Variants in ARHGEF3 observed in about 807,000 individuals in gnomAD.
ARHGEF3 encodes Rho guanine nucleotide exchange factor 3, also known as 59.8 kDA protein.
In ARHGEF3, 28 loss-of-function variants were observed where a neutral mutation model predicts 63.2. That is an observed-to-expected ratio of 0.44 (90% CI 0.33 to 0.61). ARHGEF3 has a LOEUF of 0.61. Ranked by LOEUF, ARHGEF3 falls within the 20% of genes least tolerant of loss-of-function variation. The probability of loss-of-function intolerance (pLI) is 0.03; values close to 1 mark genes in which losing one functional copy is unlikely to be tolerated. For synonymous variants in ARHGEF3, 266 were observed against 254.2 expected (o/e 1.05, Z -0.44); for missense variants, 533 against 659.3 (o/e 0.81, Z 2.10).
upstream of ARHGEF3, among the ~76,000 whole-genome samples, chr3:56,806,569 G>T (rs984928643): frequency 2.6e-5 from 4 of 152,270 alleles, no homozygotes; most frequent in Non-Finnish European, 5.9e-5. Flanking sequence ...GGGCTGTTCT[G>T]CATTTGCAGG....
chr3:56,907,003 T>A, intron 3 of ARHGEF3, among the ~76,000 whole-genome samples: 1 of 100,414 alleles, frequency 1.0e-5, no homozygotes, highest in Middle Eastern at 5.7e-3. Flanking sequence ...TTTTTTGAGA[T>A]GGAGTTTCAT....
At chr3:57,042,661 TA>T (rs1374845411) in intron 1 of ARHGEF3, among the ~76,000 whole-genome samples, 1 of 2,284 alleles carries the variant, frequency 4.4e-4, no homozygotes, top group African/African-American at 2.0e-3. Flanking sequence ...AATATATATA[TA>T]TATATATATA....
chr3:56,925,979 C>CA (rs2042264556), intron 3 of ARHGEF3, among the ~76,000 whole-genome samples: 1 of 152,174 alleles, frequency 6.6e-6, no homozygotes, highest in Admixed American at 6.5e-5. Context: ...GAAATGTGCC[C>CA]AGCTCTGTGT....
chr3:57,035,228 T>A (rs1703903323), intron 1 of ARHGEF3: 1 of 1,046,846 alleles, frequency 9.6e-7, no homozygotes, highest in Non-Finnish European at 1.3e-6. Context: ...ACATTTATGT[T>A]ATAAACACAC....
intron 8 of ARHGEF3, 102 bp from the exon 9 acceptor site, chr3:56,732,526 A>G: frequency 3.7e-6 from 5 of 1,353,680 alleles, no homozygotes; most frequent in Non-Finnish European, 5.2e-6. Context: ...CCAGGTTCAC[A>G]CTGGATTATG....
At chr3:56,777,122 T>C (rs1240925824) in intron 1 of ARHGEF3, among the ~76,000 whole-genome samples, 2 of 152,244 alleles carry the variant, frequency 1.3e-5, no homozygotes, top group African/African-American at 2.4e-5. Context: ...ACAGTGATTA[T>C]TAATAAGATT....
intron 2 of ARHGEF3, among the ~76,000 whole-genome samples, chr3:57,032,771 GC>G (rs979277723): frequency 1.3e-5 from 2 of 152,196 alleles, no homozygotes; most frequent in Non-Finnish European, 2.9e-5. Context: ...GCTCTTTGAA[GC>G]CCCTAGGGTT....
chr3:56,781,519 T>C (rs929376115), intron 1 of ARHGEF3, among the ~76,000 whole-genome samples: 4 of 152,176 alleles, frequency 2.6e-5, no homozygotes, highest in African/African-American at 9.7e-5. Context: ...GTGCTGGGAT[T>C]ACAGGTGTGA....
Position 56,906,845 on chromosome 3 carries a change from A to G in ARHGEF3, c.130-24491T>C, listed in dbSNP as rs190590487. Among the ~76,000 whole-genome samples, 311 of 151,972 alleles carry G rather than the reference A, an allele frequency of 2.0e-3. 1 individual carries two copies. The highest frequency in any genetic ancestry group is 6.9e-3 in the African/African-American group (287 of 41,450). The stretch of plus-strand genomic sequence containing the variant: ...GAGCGAGACTCTGTCTCAAAAAAAA[A>G]AAAGAAAGAAAGAAAGAAAGAAATA... On this transcript the variant is annotated intron_variant, in intron 3 of 12. Coordinates refer to the ARHGEF3 transcript ENST00000338458.
At chr3:56,917,090 T>C (rs985552441) in intron 3 of ARHGEF3, among the ~76,000 whole-genome samples, 10 of 152,182 alleles carry the variant, frequency 6.6e-5, no homozygotes, top group African/African-American at 2.4e-4. Context: ...CTCACCAGAA[T>C]GAACATCTTG....
chr3:56,996,886 TA>T (rs1266251097), intron 2 of ARHGEF3, among the ~76,000 whole-genome samples: 7 of 107,198 alleles, frequency 6.5e-5, no homozygotes, highest in African/African-American at 2.1e-4. Flanking sequence ...TTATTATTAT[TA>T]TTATTTTTTT....
At chr3:56,994,607 T>C (rs1301623325) in intron 2 of ARHGEF3, among the ~76,000 whole-genome samples, 1 of 151,718 alleles carries the variant, frequency 6.6e-6, no homozygotes, top group Non-Finnish European at 1.5e-5. Context: ...TATTTTTCCA[T>C]TACCATATGC....
chr3:56,758,142 G>A (rs574838019), intron 2 of ARHGEF3, among the ~76,000 whole-genome samples: 7 of 151,832 alleles, frequency 4.6e-5, no homozygotes, highest in Admixed American at 6.5e-5. Context: ...TTAGCTGGAC[G>A]TGATGGTAGG....
intron 4 of ARHGEF3, among the ~76,000 whole-genome samples, chr3:56,843,482 G>C (rs2039384556): frequency 6.6e-6 from 1 of 151,632 alleles, no homozygotes. Context: ...GCCCAGGCTG[G>C]TCTCAAACTC....
At chr3:56,914,160 A>G (rs2041926830) in intron 3 of ARHGEF3, among the ~76,000 whole-genome samples, 1 of 152,376 alleles carries the variant, frequency 6.6e-6, no homozygotes, top group Non-Finnish European at 1.5e-5. Context: ...ATAAAAGACT[A>G]CAAATAGGTT....
At chr3:56,856,317 A>G (rs938370573) in intron 4 of ARHGEF3, among the ~76,000 whole-genome samples, 2 of 152,214 alleles carry the variant, frequency 1.3e-5, no homozygotes, top group Admixed American at 6.5e-5. Context: ...GTGAGTCAAC[A>G]TTTTTGGAAA....
upstream of ARHGEF3, among the ~76,000 whole-genome samples, chr3:56,802,633 A>G (rs2037716180): frequency 6.6e-6 from 1 of 152,118 alleles, no homozygotes; most frequent in South Asian, 2.1e-4. Context: ...AAATTTGACT[A>G]GCATATTCAG....
intron 2 of ARHGEF3, among the ~76,000 whole-genome samples, chr3:56,993,590 A>T (rs1239565849): frequency 6.6e-6 from 1 of 150,784 alleles, no homozygotes; most frequent in Non-Finnish European, 1.5e-5. Flanking sequence ...GCCCAGGCTG[A>T]TCTCATACTC....
intron 3 of ARHGEF3, among the ~76,000 whole-genome samples, chr3:56,923,034 A>ATATATATATG (rs2042183396): frequency 2.7e-4 from 2 of 7,378 alleles, no homozygotes; most frequent in African/African-American, 8.2e-4. Context: ...AAATATATAT[A>ATATATATATG]TATATATATA....
Sources: gnomAD v4.1 joint callset for allele counts (sites outside exome capture counted in the v4.1 genomes callset) on GRCh38, gnomAD v4.1.1 for gene constraint, MANE v1.5 for transcripts, NCBI Gene and HGNC (gene_info 2026-07-23, HGNC 2026-07-21) for gene names.